The following TEN1 variants were observed in gnomAD, a reference collection of about 807,000 sequenced individuals.
The protein encoded by TEN1 is TEN1 subunit of CST complex, also known as CST complex subunit TEN1.
TEN1 carries 6 observed loss-of-function variants against 9.3 expected under a neutral mutation model. That is an observed-to-expected ratio of 0.65 (90% CI 0.35 to 1.27). The LOEUF (loss-of-function observed/expected upper bound fraction) is 1.27, where lower values mean the gene tolerates loss of function less well. TEN1 is among the 50% of genes most tolerant of loss of function. The pLI is 0.03. For synonymous variants in TEN1, 65 were observed against 65.6 expected, an observed-to-expected ratio of 0.99 and a Z score of 0.04; for missense variants, 149 against 158.2, an observed-to-expected ratio of 0.94 and a Z score of 0.31.
At chr17:75,999,814 A>G (rs1435490018) in intron 3 of TEN1, among the ~76,000 whole-genome samples, 1 of 152,020 alleles carries the variant, frequency 6.6e-6, no homozygotes, top group African/African-American at 2.4e-5. Context: ...CCGGGAGCTC[A>G]GTCTCTTGGA....
intron 1 of TEN1, among the ~76,000 whole-genome samples, chr17:75,982,256 A>G (rs1320549455): frequency 6.6e-6 from 1 of 152,214 alleles, no homozygotes; most frequent in East Asian, 1.9e-4. Flanking sequence ...CACTCAGTCT[A>G]TCAGCATTAG....
chr17:76,000,446 A>G lies in TEN1; in HGVS notation c.*184A>G. 1.1e-6 allele frequency: 1 copy of G among 914,682 alleles called. No individual in the cohort carries two copies. The highest frequency in any genetic ancestry group is 1.6e-6 in the Non-Finnish European group (1 of 634,296). 56.7% of individuals were successfully genotyped at this position (914,682 alleles called of 1,614,324 possible). ...GATTGGCTCAGCAATGAGAACCCAG[A>G]AAGCATGCCATAAATCCGACAGCCC... On this transcript the variant is annotated 3_prime_UTR_variant, in exon 4 of 4. Coordinates refer to ENST00000397640, the MANE Select transcript of TEN1 (RefSeq NM_001113324.3). The surrounding 1 kb of genome is among the most constrained non-coding windows in gnomAD (Gnocchi z 5.9).
In TEN1 at chr17:75,996,721, AAAGAG is replaced by A. The variant is rs1336891933; in HGVS notation, c.251-3418_251-3414del. Among the ~76,000 whole-genome samples, 21 of 143,330 alleles carry A rather than the reference AAAGAG, an allele frequency of 1.5e-4. No individual in the cohort carries two copies. The East Asian group carries it at 1.5e-3, about 11-fold the overall frequency. 94.0% of individuals were successfully genotyped at this position (143,330 alleles called of 152,430 possible). ...GAGACCCTGTCAAAAAAAAAAAAAAAAAGAGAGAGAGAAAGAAAGAAAAAGAAAGA... is the reference window on the plus strand; with the variant it reads ...GAGACCCTGTCAAAAAAAAAAAAAAAAGAGAGAAAGAAAGAAAAAGAAAGA... On this transcript the variant is annotated intron_variant, in intron 3 of 3. Transcript: ENST00000397640.
At chr17:75,993,403 T>C (rs916799565) in intron 3 of TEN1, among the ~76,000 whole-genome samples, 5 of 151,936 alleles carry the variant, frequency 3.3e-5, no homozygotes, top group African/African-American at 1.2e-4. Context: ...GCGCCTGGCC[T>C]GGAAAGTTCT....
intron 2 of TEN1, among the ~76,000 whole-genome samples, chr17:75,988,812 C>T (rs2066167985): frequency 6.6e-6 from 1 of 151,976 alleles, no homozygotes; most frequent in African/African-American, 2.4e-5. Flanking sequence ...AACTCTGTCA[C>T]CAGGCTGGAG....
chr17:75,991,446 G>T lies in TEN1; in HGVS notation c.93-20G>T. On this transcript the variant is annotated intron_variant, in intron 2 of 3. Transcript: ENST00000397640. The stretch of plus-strand genomic sequence containing the variant: ...ATTCTACGTATGGATGGAAATTATT[G>T]CATTTCTTCTGCCTTCCAGGTTGTG... 1 of 1,551,472 alleles carries T rather than the reference G, an allele frequency of 6.4e-7. No individual in the cohort carries two copies. The highest frequency in any genetic ancestry group is 8.7e-7 in the Non-Finnish European group (1 of 1,146,884).
At chr17:75,989,901 C>T (rs2066174938) in intron 2 of TEN1, among the ~76,000 whole-genome samples, 1 of 150,684 alleles carries the variant, frequency 6.6e-6, no homozygotes, top group South Asian at 2.1e-4. Flanking sequence ...ACCACTGTAC[C>T]TGGCTAATTA....
At chr17:75,996,539 T>C (rs984024003) in intron 3 of TEN1, among the ~76,000 whole-genome samples, 1 of 150,802 alleles carries the variant, frequency 6.6e-6, no homozygotes, top group Non-Finnish European at 1.5e-5. Flanking sequence ...ACCCCGTCTC[T>C]ACAAAAAATG....
At chr17:75,982,796 C>T (rs960098200) in intron 1 of TEN1, among the ~76,000 whole-genome samples, 10 of 151,538 alleles carry the variant, frequency 6.6e-5, no homozygotes, top group Non-Finnish European at 1.2e-4. Flanking sequence ...CTGCAGCCTC[C>T]GCCTCCCGGG....
intron 3 of TEN1, among the ~76,000 whole-genome samples, chr17:75,998,717 G>A (rs1189056397): frequency 2.0e-5 from 3 of 152,114 alleles, no homozygotes; most frequent in Non-Finnish European, 4.4e-5. Context: ...TTGAGACAGA[G>A]TCTCACTCTG....
intron 3 of TEN1, among the ~76,000 whole-genome samples, chr17:75,998,666 A>G (rs1052026354): frequency 1.3e-5 from 2 of 152,054 alleles, no homozygotes; most frequent in East Asian, 3.9e-4. Context: ...AAAGAAAACA[A>G]TGTAATAGCC....
intron 3 of TEN1, among the ~76,000 whole-genome samples, chr17:75,997,595 G>A (rs1371726614): frequency 1.3e-5 from 2 of 152,020 alleles, no homozygotes; most frequent in African/African-American, 4.8e-5. Context: ...CCTACCTAAG[G>A]GGTTACCACA....
At chr17:75,985,405 C>A (rs566890880) in intron 1 of TEN1, among the ~76,000 whole-genome samples, 2 of 152,230 alleles carry the variant, frequency 1.3e-5, no homozygotes, top group South Asian at 4.1e-4. Context: ...GGCTTGGCCT[C>A]CGAAAGAGCT....
chr17:75,983,026 G>C (rs1349743659), intron 1 of TEN1, among the ~76,000 whole-genome samples: 2 of 150,814 alleles, frequency 1.3e-5, no homozygotes, highest in Non-Finnish European at 2.9e-5. Flanking sequence ...CACGCCTGTA[G>C]TCCCAACACT....
chr17:75,979,424 A>G lies in TEN1; in HGVS notation c.-94A>G, dbSNP rs2066096245. 2.4e-6 allele frequency: 1 copy of G among 415,926 alleles called. No homozygotes were observed. Among genetic ancestry groups the G allele is most frequent in the Admixed American group, 3.7e-5 (1 of 27,216 alleles). 25.8% of individuals were successfully genotyped at this position (415,926 alleles called of 1,614,324 possible). A position where few individuals can be genotyped will look rare whatever the true frequency, so the allele number is the denominator to read the frequency against. On this transcript the variant is annotated 5_prime_UTR_variant, in exon 1 of 4. It removes the in-frame stop codon of an upstream open reading frame in the 5' UTR. Coordinates refer to ENST00000397640, the MANE Select transcript of TEN1 (RefSeq NM_001113324.3). ...TGGGCGTCCGGGGAGTGGGAAAATA[A>G]AGCACTTTTTGTATCCCGCCCCTCC...
At chr17:75,985,869 C>T (rs1038667160) in intron 1 of TEN1, among the ~76,000 whole-genome samples, 1 of 108,156 alleles carries the variant, frequency 9.2e-6, no homozygotes, top group Non-Finnish European at 1.7e-5. Context: ...TATATTATAT[C>T]AAAAAAATTT....
chr17:75,989,120 G>A (rs2066169980), intron 2 of TEN1, among the ~76,000 whole-genome samples: 1 of 148,644 alleles, frequency 6.7e-6, no homozygotes, highest in South Asian at 2.1e-4. Context: ...CTTTTTTTGA[G>A]ACAGAGCCTT....
rs183788974 is a variant in TEN1, at chr17:75,996,533, C to T, written c.251-3608C>T. ...CAGCCTGGGTAACATGGTGAAACCC[C>T]GTCTCTACAAAAAATGCAAAAATTA... is the stretch of plus-strand genomic sequence containing the variant. On this transcript the variant is annotated intron_variant, in intron 3 of 3. Coordinates refer to ENST00000397640, the MANE Select transcript of TEN1 (RefSeq NM_001113324.3). Among the ~76,000 whole-genome samples, 7 of 150,390 alleles carry T rather than the reference C, an allele frequency of 4.7e-5. 1 individual carries two copies. The highest frequency in any genetic ancestry group is 2.0e-4 in the East Asian group (1 of 5,124).
At chr17:75,981,689 G>T (rs770112834) in intron 1 of TEN1, among the ~76,000 whole-genome samples, 2 of 151,254 alleles carry the variant, frequency 1.3e-5, no homozygotes, top group African/African-American at 2.4e-5. Context: ...CTTCCCCAAG[G>T]CAGGTCATAG....
Sources: allele counts gnomAD v4.1 joint callset (sites outside exome capture counted in the v4.1 genomes callset), GRCh38; gene constraint gnomAD v4.1.1; non-coding constraint Gnocchi (gnomAD v3.1); transcripts MANE v1.5; gene names NCBI Gene and HGNC (gene_info 2026-07-23, HGNC 2026-07-21).